ATR: variants seen among roughly 807,000 people sequenced by gnomAD.
ATR encodes ATR checkpoint kinase, also known as serine/threonine-protein kinase ATR.
A neutral mutation model predicts 305.3 loss-of-function variants in ATR; 142 were observed. That is an observed-to-expected ratio of 0.47 (90% confidence interval 0.41 to 0.53). The LOEUF is 0.53. ATR is among the 20% of genes least tolerant of loss of function. The pLI is 0.00. For missense variants in ATR, 2,135 were observed against 3,133.1 expected (o/e 0.68, Z 7.60); for synonymous variants, 1,050 against 1,068.1 (o/e 0.98, Z 0.33).
At position 142,555,911 on chromosome 3, in the gene ATR, TAGGA is replaced by T. The variant is rs1577689684; in HGVS notation, c.2303_2306del (p.Phe768TyrfsTer2). 6.2e-7 allele frequency: 1 copy of T among 1,609,502 alleles called. No individual in the cohort carries two copies. The highest frequency in any genetic ancestry group is 8.5e-7 in the Non-Finnish European group (1 of 1,178,858). The stretch of plus-strand genomic sequence containing the variant: ...CTGGACTAGGTATTTTTTTTTTCAG[TAGGA>T]AAAGGAATGGCTTGCAGACAGAAGC... On this transcript the variant is annotated frameshift_variant, in exon 10 of 47. Transcript: ENST00000350721. LOFTEE classifies it high-confidence loss of function.
chr3:142,488,568 A>G (rs1370232281), intron 35 of ATR, among the ~76,000 whole-genome samples: 1 of 152,244 alleles, frequency 6.6e-6, no homozygotes, highest in Non-Finnish European at 1.5e-5. Flanking sequence ...GTCTACAGAT[A>G]GTTAACAGTA....
At chr3:142,484,491 G>A (rs766082304) in intron 36 of ATR, among the ~76,000 whole-genome samples, 13 of 152,076 alleles carry the variant, frequency 8.5e-5, no homozygotes, top group Non-Finnish European at 1.5e-4. Flanking sequence ...CTCCTGTGCC[G>A]GACCCCTCCA....
At chr3:142,558,842 AT>A (rs1168046410) in intron 7 of ATR, 66 bp from the exon 8 acceptor site, 1 of 1,449,516 alleles carries the variant, frequency 6.9e-7, no homozygotes, top group African/African-American at 1.4e-5. Flanking sequence ...TTAAATAAAA[AT>A]AAAGACATTT....
At chr3:142,571,449 G>C (rs976090632) in intron 1 of ATR, among the ~76,000 whole-genome samples, 9 of 149,340 alleles carry the variant, frequency 6.0e-5, no homozygotes, top group Non-Finnish European at 1.2e-4. Flanking sequence ...CTGGGCGACA[G>C]AGCGAGACTC....
intron 14 of ATR, 43 bp downstream of exon 14, chr3:142,550,089 T>C: frequency 6.2e-7 from 1 of 1,604,180 alleles, no homozygotes; most frequent in Non-Finnish European, 8.5e-7. Flanking sequence ...ATGAACAAAA[T>C]ACTGAATTGC....
intron 13 of ATR, among the ~76,000 whole-genome samples, chr3:142,550,727 T>C (rs113584490): frequency 1.7e-4 from 26 of 152,122 alleles, no homozygotes; most frequent in African/African-American, 6.3e-4. Flanking sequence ...TCCTAAAATA[T>C]AAAAATGGCA....
chr3:142,451,284 G>A, intron 46 of ATR: 1 of 1,228,602 alleles, frequency 8.1e-7, no homozygotes. Flanking sequence ...AACAAACAGG[G>A]CCAAGAGTGT....
In ATR at chr3:142,524,006, T is replaced by A. The variant is rs1251431750; in HGVS notation, c.4139A>T (p.Asp1380Val). The A allele has an allele frequency of 6.2e-7, 1 of 1,614,018 alleles. No homozygotes were observed. Among genetic ancestry groups the A allele is most frequent in the Non-Finnish European group, 8.5e-7 (1 of 1,179,910 alleles). ...DFSTTETQGK[D>V]FTFVTGVEDS... ...TCCACTACTTACCACAAATGTAAAATCTTTTCCTTGAGTTTCAGTTGTTGA... is the reference window on the plus strand; with the variant it reads ...TCCACTACTTACCACAAATGTAAAAACTTTTCCTTGAGTTTCAGTTGTTGA... The change falls in exon 22 of 47, where the codon GAT (aspartate) becomes GTT (valine). Residue 1380 changes from aspartate to valine, a missense_variant. Around this residue, in one of 9 missense-constraint regions of ATR, gnomAD observed 530 missense variants for 766.8 expected, o/e 0.69. Transcript: ENST00000350721.
rs762054479 is a variant in ATR, at chr3:142,522,848, C to CA, written c.4153-8dup. The CA allele has an allele frequency of 1.3e-6, 2 of 1,550,534 alleles. No homozygotes were observed. Among genetic ancestry groups the CA allele is most frequent in the East Asian group, 2.3e-5 (1 of 44,336 alleles). On this transcript the variant is annotated splice_polypyrimidine_tract_variant and splice_region_variant and intron_variant, in intron 22 of 46. Coordinates refer to ENST00000350721, the MANE Select transcript of ATR (RefSeq NM_001184.4). ...TTGAATCTTCTACTCCAGTCTCAAT[C>CA]AGAAAAAAAAAAAAGAAAATTCCAG...
intron 1 of ATR, among the ~76,000 whole-genome samples, chr3:142,570,172 A>G (rs2035214956): frequency 6.6e-6 from 1 of 151,982 alleles, no homozygotes; most frequent in African/African-American, 2.4e-5. Flanking sequence ...TAGATATTAA[A>G]CTCCTTATCA....
intron 15 of ATR, among the ~76,000 whole-genome samples, chr3:142,548,647 C>G (rs1320027413): frequency 6.8e-6 from 1 of 148,128 alleles, no homozygotes; most frequent in African/African-American, 2.5e-5. Context: ...CCAGCCTGGG[C>G]TACAGAGCAA....
intron 17 of ATR, among the ~76,000 whole-genome samples, chr3:142,542,113 G>C (rs531734758): frequency 6.6e-6 from 1 of 152,188 alleles, no homozygotes; most frequent in South Asian, 2.1e-4. Flanking sequence ...ACATAAAGTT[G>C]CTTTACATTA....
In ATR at chr3:142,515,692, G is replaced by A. The variant is rs10804682; in HGVS notation, c.4383-177C>T. Among the ~76,000 whole-genome samples the A allele has an allele frequency of 0.15, 22,342 of 151,976 alleles. 2,008 individuals carry two copies. Among genetic ancestry groups the A allele is most frequent in the Middle Eastern group, 0.27 (78 of 294 alleles). On this transcript the variant is annotated intron_variant, in intron 24 of 46. Transcript: ENST00000350721. ...AGTAGGTCATTCTTGGACACCTAAA[G>A]TACTTCTAAGGATTTGAGTCTGCCC...
chr3:142,497,224 T>C (rs765739404), intron 32 of ATR, 32 bp from the exon 33 acceptor site: 7 of 1,603,864 alleles, frequency 4.4e-6, no homozygotes, highest in Non-Finnish European at 6.0e-6. Context: ...GTTAAAATGT[T>C]ATCATATTCA....
chr3:142,478,355 G>A (rs1172494790), intron 36 of ATR, among the ~76,000 whole-genome samples: 1 of 152,190 alleles, frequency 6.6e-6, no homozygotes, highest in East Asian at 1.9e-4. Flanking sequence ...GTACCCAGTA[G>A]TCATTCAGGA....
chr3:142,495,778 A>T (rs1170462891), intron 34 of ATR, among the ~76,000 whole-genome samples: 1 of 151,568 alleles, frequency 6.6e-6, no homozygotes, highest in Non-Finnish European at 1.5e-5. Context: ...TAAAAATAAA[A>T]AATAAATCTG....
chr3:142,560,123 CAATAG>C, intron 6 of ATR, 135 bp downstream of exon 6: 1 of 807,278 alleles, frequency 1.2e-6, no homozygotes. Context: ...GCATTTGACT[CAATAG>C]AAAATAAATT....
In ATR at chr3:142,578,642, C is replaced by T. The variant is rs758046042; in HGVS notation, c.59+4G>A. The T allele has an allele frequency of 9.3e-6, 15 of 1,611,972 alleles. No homozygotes were observed. The Admixed American group carries it at 2.2e-4, about 23-fold the overall frequency. Reference sequence around the variant, plus strand: ...TGCAGGACCCAGGCTGGGCCTAGCCCTACCTGCCCAGCTCCCGCAGGGCGG... The same window carrying T: ...TGCAGGACCCAGGCTGGGCCTAGCCTTACCTGCCCAGCTCCCGCAGGGCGG... On this transcript the variant is annotated splice_donor_region_variant and intron_variant, in intron 1 of 46. Coordinates refer to ENST00000350721, the MANE Select transcript of ATR (RefSeq NM_001184.4).
chr3:142,506,673 C>G (rs2032254930), intron 28 of ATR, among the ~76,000 whole-genome samples: 1 of 151,992 alleles, frequency 6.6e-6, no homozygotes, highest in Non-Finnish European at 1.5e-5. Context: ...GGTGATAGAG[C>G]AAGACCCTAT....
Sources: allele counts gnomAD v4.1 joint callset (sites outside exome capture counted in the v4.1 genomes callset), GRCh38; gene constraint gnomAD v4.1.1; regional missense constraint gnomAD v4.1.1; transcripts MANE v1.5; gene names NCBI Gene and HGNC (gene_info 2026-07-23, HGNC 2026-07-21).